ZNF521: variants seen among roughly 807,000 people sequenced by gnomAD.
ZNF521 encodes the protein LYST-interacting protein 3.
ZNF521 carries 14 observed loss-of-function variants against 105.5 expected under a neutral mutation model. The ratio of observed to expected loss-of-function variants is 0.13; its 90% CI spans 0.09 to 0.21. The LOEUF (loss-of-function observed/expected upper bound fraction) is 0.21. Among genes scored for constraint, ZNF521 ranks in the 10% least tolerant of loss-of-function variants. The pLI is 1.00. For synonymous variants in ZNF521, 635 were observed against 606.0 expected (o/e 1.05, Z -0.70); for missense variants, 1,233 against 1,629.7 (o/e 0.76, Z 4.19).
Position 25,113,756 on chromosome 18 carries a change from G to A in ZNF521, c.3659-21675C>T, listed in dbSNP as rs978855488. Among the ~76,000 whole-genome samples, 101 of 30,814 alleles carry A rather than the reference G, an allele frequency of 3.3e-3. 1 individual carries two copies. Among genetic ancestry groups the A allele is most frequent in the African/African-American group, 0.013 (93 of 7,170 alleles). The allele number at this position is 30,814 out of a possible 152,430, so 20.2% of individuals were successfully genotyped here. A position where few individuals can be genotyped will look rare whatever the true frequency, so the allele number is the denominator to read the frequency against. On this transcript the variant is annotated intron_variant, in intron 5 of 7. Transcript: ENST00000361524. ...CAGACAGGCAGGCAGACCGAAGGAC[G>A]GACGGACACACACACACACACACAC...
chr18:25,113,047 G>A (rs550644332), intron 5 of ZNF521, among the ~76,000 whole-genome samples: 1 of 142,252 alleles, frequency 7.0e-6, no homozygotes, highest in African/African-American at 2.5e-5. Flanking sequence ...CACCATGCTG[G>A]CCATTCTAAT....
At chr18:25,275,627 T>G (rs1428581024) in intron 3 of ZNF521, among the ~76,000 whole-genome samples, 1 of 152,180 alleles carries the variant, frequency 6.6e-6, no homozygotes, top group African/African-American at 2.4e-5. Context: ...GCTACTACAT[T>G]TTCAGGGATT....
chr18:25,304,720 A>G (rs1911871796), intron 3 of ZNF521, among the ~76,000 whole-genome samples: 1 of 152,162 alleles, frequency 6.6e-6, no homozygotes, highest in African/African-American at 2.4e-5. Flanking sequence ...AGCCTCTTCC[A>G]CAAGACCTCT....
chr18:25,146,635 C>A (rs1265737223), intron 5 of ZNF521, among the ~76,000 whole-genome samples: 1 of 152,122 alleles, frequency 6.6e-6, no homozygotes, highest in Non-Finnish European at 1.5e-5. Context: ...GCCACTTGGC[C>A]TGGTTAATCG....
chr18:25,123,279 T>C (rs1372917160), intron 5 of ZNF521, among the ~76,000 whole-genome samples: 1 of 151,998 alleles, frequency 6.6e-6, no homozygotes, highest in African/African-American at 2.4e-5. Flanking sequence ...GCATGCTATA[T>C]TTTTTCCATA....
intron 2 of ZNF521, among the ~76,000 whole-genome samples, chr18:25,332,942 A>C (rs542503272): frequency 1.3e-5 from 2 of 152,270 alleles, no homozygotes; most frequent in Non-Finnish European, 2.9e-5. Flanking sequence ...GTAAATTAAT[A>C]GTTGTTCGTG....
chr18:25,106,157 C>T (rs2034068554), intron 5 of ZNF521, among the ~76,000 whole-genome samples: 1 of 152,184 alleles, frequency 6.6e-6, no homozygotes, highest in South Asian at 2.1e-4. Context: ...ATTTTATTAA[C>T]AAACTGTTTG....
chr18:25,139,045 G>A (rs2144426612), intron 5 of ZNF521, among the ~76,000 whole-genome samples: 1 of 152,250 alleles, frequency 6.6e-6, no homozygotes, highest in Non-Finnish European at 1.5e-5. Flanking sequence ...GGGTTGTTGA[G>A]TAAGCGTTCC....
intron 7 of ZNF521, among the ~76,000 whole-genome samples, chr18:25,088,634 C>T (rs80148899): frequency 0.032 from 4,806 of 152,120 alleles, 176 homozygotes; most frequent in East Asian, 0.14. Flanking sequence ...GACATTATAC[C>T]CATTTTCAAG....
At chr18:25,268,404 C>A (rs1909418880) in intron 3 of ZNF521, among the ~76,000 whole-genome samples, 1 of 152,152 alleles carries the variant, frequency 6.6e-6, no homozygotes, top group African/African-American at 2.4e-5. Flanking sequence ...GCAAGACAGG[C>A]CAACATTCAA....
chr18:25,212,708 A>G (rs57479976), intron 4 of ZNF521, among the ~76,000 whole-genome samples: 32,302 of 150,194 alleles, frequency 0.22, 4,681 homozygotes, highest in African/African-American at 0.41. Flanking sequence ...CTGATCATTT[A>G]TTCAAGTCTT....
chr18:25,188,300 G>A (rs1385864113), intron 5 of ZNF521, among the ~76,000 whole-genome samples: 1 of 152,120 alleles, frequency 6.6e-6, no homozygotes, highest in Non-Finnish European at 1.5e-5. Flanking sequence ...CTCACCAAAT[G>A]CAACAATATG....
At chr18:25,120,612 A>T (rs1282946597) in intron 5 of ZNF521, among the ~76,000 whole-genome samples, 1 of 145,632 alleles carries the variant, frequency 6.9e-6, no homozygotes, top group South Asian at 2.1e-4. Context: ...ACCACAAACA[A>T]ACAAACAAAC....
intron 4 of ZNF521, chr18:25,202,394 T>C (rs2036008146): frequency 6.6e-6 from 1 of 152,178 alleles, no homozygotes; most frequent in Non-Finnish European, 1.5e-5. Context: ...CTAGAGATCA[T>C]TTAAAGTATA....
intron 3 of ZNF521, among the ~76,000 whole-genome samples, chr18:25,243,238 T>C (rs1907469177): frequency 6.6e-6 from 1 of 152,228 alleles, no homozygotes; most frequent in Admixed American, 6.5e-5. Context: ...GGTTTGACTT[T>C]TTTTTCCTTG....
intron 5 of ZNF521, among the ~76,000 whole-genome samples, chr18:25,125,883 C>T (rs2034530712): frequency 6.6e-6 from 1 of 151,912 alleles, no homozygotes; most frequent in Non-Finnish European, 1.5e-5. Flanking sequence ...GGCCATTACT[C>T]AAGTATGAAG....
At chr18:25,129,523 C>T (rs1167139914) in intron 5 of ZNF521, among the ~76,000 whole-genome samples, 1 of 151,588 alleles carries the variant, frequency 6.6e-6, no homozygotes, top group Non-Finnish European at 1.5e-5. Context: ...CTGCAAAAGA[C>T]AATATTAGGA....
At chr18:25,161,682 C>T (rs117096563) in intron 5 of ZNF521, among the ~76,000 whole-genome samples, 1 of 152,292 alleles carries the variant, frequency 6.6e-6, no homozygotes, top group East Asian at 1.9e-4. Context: ...ACTGCATGTA[C>T]ATCACACACT....
chr18:25,283,406 TGGTCCAACATAC>T (rs1910504125), intron 3 of ZNF521, among the ~76,000 whole-genome samples: 1 of 152,216 alleles, frequency 6.6e-6, no homozygotes, highest in South Asian at 2.1e-4. Flanking sequence ...CCCTGGTCTC[TGGTCCAACATAC>T]GCTAATTAAA....
Sources: allele counts gnomAD v4.1 joint callset (sites outside exome capture counted in the v4.1 genomes callset), GRCh38; gene constraint gnomAD v4.1.1; transcripts MANE v1.5; gene names NCBI Gene and HGNC (gene_info 2026-07-23, HGNC 2026-07-21).